RBFOX3: variants seen among roughly 807,000 people sequenced by gnomAD.
RBFOX3 encodes RNA binding fox-1 homolog 3, also known as RNA binding protein fox-1 homolog 3.
RBFOX3 carries 17 observed loss-of-function variants against 48.7 expected under a neutral mutation model. The observed-to-expected ratio is 0.35, with a 90% CI of 0.24 to 0.52. The LOEUF is 0.52. Ranked by LOEUF, RBFOX3 falls within the 20% of genes least tolerant of loss-of-function variation. The pLI, the probability that RBFOX3 is intolerant of heterozygous loss-of-function variation, is 0.94. For synonymous variants in RBFOX3, 212 were observed against 209.5 expected (o/e 1.01, Z -0.10); for missense variants, 382 against 497.5 (o/e 0.77, Z 2.21).
upstream of RBFOX3, among the ~76,000 whole-genome samples, chr17:79,612,694 CTG>C (rs1459289393): frequency 1.3e-5 from 2 of 152,216 alleles, no homozygotes; most frequent in African/African-American, 2.4e-5. Context: ...GCCTGGTTGA[CTG>C]AACTTTCCCC....
Position 79,243,866 on chromosome 17 carries a change from C to G in RBFOX3, c.-73-8061G>C, listed in dbSNP as rs931427821. 6.6e-6 allele frequency among the ~76,000 whole-genome samples: 1 copy of G among 152,048 alleles called. No homozygotes were observed. Among genetic ancestry groups the G allele is most frequent in the African/African-American group, 2.4e-5 (1 of 41,394 alleles). ...ACCAAGCAGATGGCAGTGGAGGAGA[C>G]AGAGACCCCACTGAGGATGCAGAAA... On this transcript the variant is annotated intron_variant, in intron 3 of 14. Transcript: ENST00000693108. The surrounding 1 kb of genome is among the most constrained non-coding windows in gnomAD (Gnocchi z 7.9).
chr17:79,280,841 T>TGGGGGGGG (rs34734841), intron 3 of RBFOX3, among the ~76,000 whole-genome samples: 4 of 101,674 alleles, frequency 3.9e-5, no homozygotes, highest in Admixed American at 1.0e-4. Flanking sequence ...TGTCCCATTG[T>TGGGGGGGG]GGGGGGGGGG....
At chr17:79,095,227 C>T (rs2074956745) in intron 13 of RBFOX3, among the ~76,000 whole-genome samples, 1 of 140,994 alleles carries the variant, frequency 7.1e-6, no homozygotes, top group African/African-American at 2.6e-5. Flanking sequence ...CAGACAGCCA[C>T]TGTGGGCACG....
At position 79,495,941 on chromosome 17, in the gene RBFOX3, G is replaced by C. The variant is rs764472236; in HGVS notation, c.-319-13343C>G. 1.3e-4 allele frequency among the ~76,000 whole-genome samples: 20 copies of C among 152,108 alleles called. No individual in the cohort carries two copies. The South Asian group carries it at 4.2e-3, about 32-fold the overall frequency. ...TCGGCACAGCCTGAGCAGTGGCAGC[G>C]TGGCAGATGGGAACGTGCAGAAACA... On this transcript the variant is annotated intron_variant, in intron 1 of 14. Transcript: ENST00000693108.
In RBFOX3 at chr17:79,220,958, C is replaced by G. The variant is rs2059652925; in HGVS notation, c.-34+14808G>C. 6.6e-6 allele frequency among the ~76,000 whole-genome samples: 1 copy of G among 152,198 alleles called. No individual in the cohort carries two copies. The highest frequency in any genetic ancestry group is 2.4e-5 in the African/African-American group (1 of 41,452). On this transcript the variant is annotated intron_variant, in intron 4 of 14. Transcript: ENST00000693108. This position sits in a 1 kb window ranked among gnomAD's most constrained non-coding sequence, Gnocchi z 5.9. ...GTGGGGCCACCGCCTGCAGGAGAGC[C>G]TGCATCTAACGTCTGTCCTGCCTCA...
intron 1 of RBFOX3, among the ~76,000 whole-genome samples, chr17:79,495,558 A>G (rs1316964897): frequency 7.8e-4 from 3 of 3,852 alleles, no homozygotes; most frequent in African/African-American, 2.0e-3. Flanking sequence ...GGGCAGGGGT[A>G]CTGGGGGCAG....
intron 1 of RBFOX3, among the ~76,000 whole-genome samples, chr17:79,499,563 C>G (rs1370372736): frequency 6.6e-6 from 1 of 152,228 alleles, no homozygotes; most frequent in Admixed American, 6.5e-5. Context: ...TACTACAAAG[C>G]CTGAAATGTG....
chr17:79,218,300 A>G (rs546871613), intron 4 of RBFOX3, among the ~76,000 whole-genome samples: 2 of 151,850 alleles, frequency 1.3e-5, no homozygotes, highest in East Asian at 3.9e-4. Context: ...TCAGGGAGGG[A>G]CAGCAGGAGA....
chr17:79,130,003 C>T (rs556974430), intron 4 of RBFOX3, among the ~76,000 whole-genome samples: 15 of 152,218 alleles, frequency 9.9e-5, no homozygotes, highest in Admixed American at 6.5e-4. Context: ...GGCTGCCCTG[C>T]GGGGACCGGG....
At chr17:79,384,276 C>G (rs1451814377) in intron 2 of RBFOX3, among the ~76,000 whole-genome samples, 1 of 152,164 alleles carries the variant, frequency 6.6e-6, no homozygotes, top group African/African-American at 2.4e-5. Flanking sequence ...GGCCGCACTG[C>G]CAGGCACTCT....
chr17:79,567,171 TC>T, intron 1 of RBFOX3, among the ~76,000 whole-genome samples: 1 of 144,602 alleles, frequency 6.9e-6, no homozygotes, highest in Non-Finnish European at 1.5e-5. Flanking sequence ...TTTTTTTCTT[TC>T]TTTCTTTCTT....
intron 14 of RBFOX3, among the ~76,000 whole-genome samples, chr17:79,093,292 T>C (rs1469812187): frequency 6.6e-6 from 1 of 151,658 alleles, no homozygotes; most frequent in African/African-American, 2.4e-5. Flanking sequence ...CACCACCCAG[T>C]TTTCCCAGAA....
At chr17:79,499,340 TTCCA>T (rs1420720419) in intron 1 of RBFOX3, among the ~76,000 whole-genome samples, 2 of 150,318 alleles carry the variant, frequency 1.3e-5, no homozygotes, top group African/African-American at 4.9e-5. Context: ...GCATCCAACC[TTCCA>T]TCCATCTATA....
intron 1 of RBFOX3, among the ~76,000 whole-genome samples, chr17:79,588,492 T>A (rs976840584): frequency 6.6e-6 from 1 of 152,180 alleles, no homozygotes; most frequent in African/African-American, 2.4e-5. Context: ...ACCAAGGTAC[T>A]GACCACCCTC....
intron 14 of RBFOX3, among the ~76,000 whole-genome samples, chr17:79,092,915 C>T (rs565635746): frequency 6.6e-6 from 1 of 151,956 alleles, no homozygotes; most frequent in Non-Finnish European, 1.5e-5. Context: ...GTCTGGGTCA[C>T]TTCTCTGGGC....
chr17:79,334,640 T>C (rs992300949), intron 2 of RBFOX3, among the ~76,000 whole-genome samples: 2 of 152,244 alleles, frequency 1.3e-5, no homozygotes, highest in African/African-American at 2.4e-5. Context: ...AGCCCATCTG[T>C]GAGGCCTACA....
intron 2 of RBFOX3, among the ~76,000 whole-genome samples, chr17:79,352,193 G>T (rs1358597545): frequency 1.3e-5 from 2 of 152,160 alleles, no homozygotes; most frequent in Non-Finnish European, 2.9e-5. Flanking sequence ...TGGACATGGG[G>T]CCTGGTGGAA....
the RBFOX3 span, among the ~76,000 whole-genome samples, chr17:79,654,713 A>G: frequency 6.6e-6 from 1 of 152,144 alleles, no homozygotes; most frequent in African/African-American, 2.4e-5. Context: ...TCGTTTTAGC[A>G]CCTTGCAGGG....
chr17:79,242,942 C>T lies in RBFOX3; in HGVS notation c.-73-7137G>A, dbSNP rs1567903690. Reference sequence around the variant, plus strand: ...GTGCTCCAGTGGGGCCTTACTCCTCCTCTGCCTGCGTGGACACTGCTGTGG... The same window carrying T: ...GTGCTCCAGTGGGGCCTTACTCCTCTTCTGCCTGCGTGGACACTGCTGTGG... On this transcript the variant is annotated intron_variant, in intron 3 of 14. Coordinates refer to ENST00000693108, the MANE Select transcript of RBFOX3 (RefSeq NM_001350451.2). This position sits in a 1 kb window ranked among gnomAD's most constrained non-coding sequence, Gnocchi z 5.8. Among the ~76,000 whole-genome samples the T allele has an allele frequency of 6.6e-6, 1 of 152,178 alleles. No homozygotes were observed. The highest frequency in any genetic ancestry group is 1.5e-5 in the Non-Finnish European group (1 of 68,036).
Sources: gnomAD v4.1 joint callset for allele counts (sites outside exome capture counted in the v4.1 genomes callset) on GRCh38, gnomAD v4.1.1 for gene constraint, Gnocchi (gnomAD v3.1) non-coding constraint, MANE v1.5 for transcripts, NCBI Gene and HGNC (gene_info 2026-07-23, HGNC 2026-07-21) for gene names.